Variants in TTC14 observed in about 807,000 individuals in gnomAD.
TTC14 encodes tetratricopeptide repeat protein 14.
Under a neutral mutation model 79.9 loss-of-function variants are expected in TTC14, and 63 were observed. The ratio of observed to expected loss-of-function variants is 0.79; its 90% confidence interval spans 0.64 to 0.97. The LOEUF is 0.97. Among genes scored for constraint, TTC14 ranks in the 50% least tolerant of loss-of-function variants. The probability of loss-of-function intolerance (pLI) is 0.00; values close to 1 mark genes in which losing one functional copy is unlikely to be tolerated. For missense variants in TTC14, 895 were observed against 894.0 expected (o/e 1.00, Z -0.01); for synonymous variants, 335 against 309.6 (o/e 1.08, Z -0.86).
intron 12 of TTC14, chr3:180,616,370 G>A (rs1292948736): frequency 1.2e-6 from 2 of 1,606,770 alleles, no homozygotes; most frequent in Non-Finnish European, 1.7e-6. Flanking sequence ...CACTCTGGAG[G>A]AATATTCAAT....
chr3:180,608,668 G>A (rs145704973), intron 10 of TTC14, 33 bp from the exon 11 acceptor site: 11 of 1,472,216 alleles, frequency 7.5e-6, no homozygotes, highest in African/African-American at 2.9e-5. Flanking sequence ...TATTTTTAAC[G>A]TGTGGTTTTT....
In TTC14 at chr3:180,616,462, GTTTTTA is replaced by G. The variant is rs1228275415; in HGVS notation, c.1775-913_1775-908del. ...TCACTTCATGATGAATGTCATGAAA[GTTTTTA>G]TTTTCATGAAGTTTTTAAGAAATAT... On this transcript the variant is annotated intron_variant, in intron 12 of 12. Transcript: ENST00000382584. 3.3e-5 allele frequency: 49 copies of G among 1,497,226 alleles called. 1 individual carries two copies. The highest frequency in any genetic ancestry group is 2.5e-4 in the South Asian group (18 of 72,986). 92.7% of individuals were successfully genotyped at this position (1,497,226 alleles called of 1,614,324 possible).
chr3:180,609,275 A>ATT, intron 11 of TTC14: 1 of 931,362 alleles, frequency 1.1e-6, no homozygotes, highest in Non-Finnish European at 1.3e-6. Context: ...ACCAAGAATT[A>ATT]TTTGGCTGAA....
rs1716662383 is a variant in TTC14 at position 180,606,000 on chromosome 3, A to G, written c.929+163A>G. 4 of 847,536 alleles carry G rather than the reference A, an allele frequency of 4.7e-6. No individual in the cohort carries two copies. The South Asian group carries it at 7.0e-5, about 15-fold the overall frequency. 52.5% of individuals were successfully genotyped at this position (847,536 alleles called of 1,614,324 possible). ...AGATGTAAGTAGTCTTACATTTTACACTTAACAGATAAGTTTTACTCAGCA... is the reference window on the plus strand; with the variant it reads ...AGATGTAAGTAGTCTTACATTTTACGCTTAACAGATAAGTTTTACTCAGCA... On this transcript the variant is annotated intron_variant, in intron 7 of 11. Transcript: ENST00000296015.
intron 12 of TTC14, chr3:180,616,504 G>C (rs938853102): frequency 1.3e-6 from 2 of 1,521,572 alleles, no homozygotes; most frequent in African/African-American, 2.8e-5. Context: ...TTAATAGAAG[G>C]TGCTGTATTA....
downstream of TTC14, chr3:180,614,642 A>G: frequency 3.3e-6 from 1 of 303,058 alleles, no homozygotes. Context: ...GAAGCAAACT[A>G]TTTTCTAACA....
chr3:180,613,087 C>T (rs1361156754), downstream of TTC14, among the ~76,000 whole-genome samples: 4 of 152,150 alleles, frequency 2.6e-5, no homozygotes, highest in Non-Finnish European at 4.4e-5. Context: ...AGAATAGTAC[C>T]TTATCCTGTA....
intron 9 of TTC14, among the ~76,000 whole-genome samples, 153 bp from the exon 10 acceptor site, chr3:180,607,495 A>T (rs571674912): frequency 6.6e-6 from 1 of 152,338 alleles, no homozygotes; most frequent in East Asian, 1.9e-4. Context: ...AATAAATTAC[A>T]GTAAAAAGCA....
At chr3:180,604,112 A>T in intron 3 of TTC14, 113 bp from the exon 4 acceptor site, 1 of 861,940 alleles carries the variant, frequency 1.2e-6, no homozygotes, top group Non-Finnish European at 1.9e-6. Flanking sequence ...TTAAATTTTT[A>T]CTTTAGGTTG....
rs751119727 is a variant in TTC14 at position 180,606,462 on chromosome 3, C to CT, written c.1050-16dup. 1.3e-5 allele frequency: 21 copies of CT among 1,613,298 alleles called. No homozygotes were observed. The highest frequency in any genetic ancestry group is 1.8e-5 in the Non-Finnish European group (21 of 1,179,794). On this transcript the variant is annotated intron_variant, in intron 8 of 11. Transcript: ENST00000296015. The stretch of plus-strand genomic sequence containing the variant: ...GAGCTTGTGAGATACAGCCCTCTAT[C>CT]TTTGTTTCATGTCTCTAGATATGCG...
At chr3:180,608,052 G>A (rs1716788340) in intron 10 of TTC14, 1 of 1,098,948 alleles carries the variant, frequency 9.1e-7, no homozygotes, top group African/African-American at 1.7e-5. Flanking sequence ...AATTATTGTT[G>A]CTACTATAAT....
chr3:180,616,987 T>C, intron 12 of TTC14: 1 of 1,204,686 alleles, frequency 8.3e-7, no homozygotes, highest in Non-Finnish European at 1.1e-6. Context: ...AATATTAACA[T>C]GTATTTTTTA....
chr3:180,604,845 T>A lies in TTC14; in HGVS notation c.702-7T>A. ...TTTTACAATTTTTGTGTTTGTATTT[T>A]TTTAAGGAGAAGTGTTGAGCTAAAT... On this transcript the variant is annotated splice_region_variant and splice_polypyrimidine_tract_variant and intron_variant, in intron 5 of 11. Coordinates refer to ENST00000296015, the MANE Select transcript of TTC14 (RefSeq NM_133462.4). 2 of 1,591,216 alleles carry A rather than the reference T, an allele frequency of 1.3e-6. No homozygotes were observed. The highest frequency in any genetic ancestry group is 1.7e-6 in the Non-Finnish European group (2 of 1,172,292).
chr3:180,618,141 TTG>T (rs1717318488), downstream of TTC14, among the ~76,000 whole-genome samples: 1 of 152,186 alleles, frequency 6.6e-6, no homozygotes, highest in Non-Finnish European at 1.5e-5. Flanking sequence ...CCATCTAGGT[TTG>T]TGTAAGTACA....
At chr3:180,617,364 T>A (rs1183839329) in intron 12 of TTC14, 2 of 566,276 alleles carry the variant, frequency 3.5e-6, no homozygotes, top group Non-Finnish European at 6.3e-6. Context: ...TACAATATAC[T>A]TTTATTATTT....
Position 180,609,967 on chromosome 3 carries a change from T to G in TTC14, c.1738T>G (p.Ser580Ala). Reference protein sequence around the residue: ...QIKEKDRCPLSSSSLEIPDDF... With the variant: ...QIKEKDRCPLASSSLEIPDDF... Reference sequence around the variant, plus strand: ...AAAAGAGAAAGATAGATGCCCTCTCTCTTCATCTTCACTTGAAATACCGGA... The same window carrying G: ...AAAAGAGAAAGATAGATGCCCTCTCGCTTCATCTTCACTTGAAATACCGGA... The change falls in exon 12 of 12, where the codon TCT becomes GCT. Residue 580 changes from serine to alanine, a missense_variant. Coordinates refer to ENST00000296015, the MANE Select transcript of TTC14 (RefSeq NM_133462.4). 6.2e-7 allele frequency: 1 copy of G among 1,614,082 alleles called. No individual in the cohort carries two copies. Among genetic ancestry groups the G allele is most frequent in the East Asian group, 2.2e-5 (1 of 44,864 alleles).
At chr3:180,605,979 G>C in intron 7 of TTC14, 142 bp downstream of exon 7, 1 of 920,100 alleles carries the variant, frequency 1.1e-6, no homozygotes, top group Non-Finnish European at 1.7e-6. Context: ...TTTTATAGAT[G>C]TAAGTAGTCT....
downstream of TTC14, chr3:180,613,972 T>C: frequency 2.6e-6 from 1 of 389,496 alleles, no homozygotes; most frequent in Non-Finnish European, 5.0e-6. Context: ...AATGAGCATT[T>C]TTTCCCAAGG....
chr3:180,602,456 G>T, intron 1 of TTC14, 34 bp downstream of exon 1: 1 of 1,567,282 alleles, frequency 6.4e-7, no homozygotes, highest in Non-Finnish European at 8.6e-7. Context: ...CGCCACGGAA[G>T]AGGGGACGCA....
Sources: gnomAD v4.1 joint callset for allele counts (sites outside exome capture counted in the v4.1 genomes callset) on GRCh38, gnomAD v4.1.1 for gene constraint, MANE v1.5 for transcripts, NCBI Gene and HGNC (gene_info 2026-07-23, HGNC 2026-07-21) for gene names.